KLHL8: variants seen among roughly 807,000 people sequenced by gnomAD.
The protein encoded by KLHL8 is kelch like family member 8, also known as kelch-like protein 8.
A neutral mutation model predicts 63.5 loss-of-function variants in KLHL8; 38 were observed. That is an observed-to-expected ratio of 0.60 (90% CI 0.46 to 0.78). The LOEUF (loss-of-function observed/expected upper bound fraction) is 0.78. Ranked by LOEUF, KLHL8 falls within the 30% of genes least tolerant of loss-of-function variation. The pLI is 0.00. For missense variants in KLHL8, 566 were observed against 752.4 expected, an observed-to-expected ratio of 0.75 and a Z score of 2.90; for synonymous variants, 224 against 254.3, an observed-to-expected ratio of 0.88 and a Z score of 1.13.
intron 8 of KLHL8, among the ~76,000 whole-genome samples, chr4:87,164,886 C>G (rs6848626): frequency 1.1e-4 from 16 of 152,026 alleles, no homozygotes; most frequent in South Asian, 1.0e-3. Flanking sequence ...CGGTGGCTCA[C>G]GCCTGTAATC....
intron 2 of KLHL8, among the ~76,000 whole-genome samples, chr4:87,186,609 G>A (rs1731268664): frequency 6.6e-6 from 1 of 151,666 alleles, no homozygotes; most frequent in Non-Finnish European, 1.5e-5. Context: ...CTCCCCAGCA[G>A]CTAGGACTAC....
In KLHL8 at chr4:87,176,773, A is replaced by C; in HGVS notation, c.1192T>G (p.Ser398Ala). ...PLTNKWMMKA[S>A]MNTKRRGIAL... The stretch of plus-strand genomic sequence containing the variant: ...CTGATCTACCTCTTTGTGTTCATTG[A>C]TGCCTTCATCATCCATTTATTAGTG... The change falls in exon 6 of 10, where the codon TCA (serine) becomes GCA (alanine). Residue 398 changes from serine (S) to alanine (A), a missense_variant. Physicochemically the swap from Ser to Ala is moderately conservative, Grantham distance 99. Coordinates refer to ENST00000273963, the MANE Select transcript of KLHL8 (RefSeq NM_020803.5). The C allele has an allele frequency of 6.4e-7, 1 of 1,570,764 alleles. No homozygotes were observed. The highest frequency in any genetic ancestry group is 8.7e-7 in the Non-Finnish European group (1 of 1,146,020).
At chr4:87,164,369 AAAAG>A (rs1184130542) in intron 8 of KLHL8, among the ~76,000 whole-genome samples, 1 of 152,082 alleles carries the variant, frequency 6.6e-6, no homozygotes, top group African/African-American at 2.4e-5. Context: ...AATTCAGAGA[AAAAG>A]AAAAAAAAAA....
chr4:87,204,376 A>G (rs1422761439), intron 1 of KLHL8, among the ~76,000 whole-genome samples: 1 of 151,418 alleles, frequency 6.6e-6, no homozygotes, highest in African/African-American at 2.4e-5. Context: ...AAACAGCATC[A>G]CTGTTCTAAA....
intron 8 of KLHL8, chr4:87,166,710 C>T (rs568638289): frequency 6.6e-6 from 1 of 152,402 alleles, no homozygotes; most frequent in East Asian, 1.9e-4. Flanking sequence ...TTCATATGCA[C>T]ATTATGGTCT....
intron 1 of KLHL8, chr4:87,207,919 C>CA: frequency 7.9e-7 from 1 of 1,268,608 alleles, no homozygotes; most frequent in Non-Finnish European, 1.1e-6. Context: ...CTACACTGAG[C>CA]ACCAGGCTGT....
chr4:87,240,315 A>G (rs983762057), upstream of KLHL8: 17 of 152,254 alleles, frequency 1.1e-4, no homozygotes, highest in African/African-American at 3.9e-4. Context: ...GACAGCATCT[A>G]AAGAGGAATT....
chr4:87,216,759 C>T (rs1732610299), intron 1 of KLHL8, among the ~76,000 whole-genome samples: 1 of 152,052 alleles, frequency 6.6e-6, no homozygotes, highest in African/African-American at 2.4e-5. Flanking sequence ...AAAAAAGCAG[C>T]TGACAGTATC....
At chr4:87,232,107 T>C (rs911177417) in intron 1 of KLHL8, among the ~76,000 whole-genome samples, 4 of 152,220 alleles carry the variant, frequency 2.6e-5, no homozygotes, top group East Asian at 3.8e-4. Context: ...ATAAAAAGGA[T>C]AATTAAATAG....
intron 1 of KLHL8, chr4:87,207,894 C>T: frequency 6.6e-7 from 1 of 1,504,348 alleles, no homozygotes; most frequent in Non-Finnish European, 9.2e-7. Flanking sequence ...AGGGCCCCCT[C>T]AAGGGCATCC....
chr4:87,201,933 C>A (rs1386611045), intron 1 of KLHL8, among the ~76,000 whole-genome samples: 6 of 151,016 alleles, frequency 4.0e-5, no homozygotes, highest in East Asian at 1.9e-4. Context: ...GTGCTTACAT[C>A]AAAAAAAAGT....
Position 87,195,626 on chromosome 4 carries a change from T to C in KLHL8, c.-87A>G, listed in dbSNP as rs1731666191. On this transcript the variant is annotated 5_prime_UTR_variant, in exon 2 of 10. Transcript: ENST00000273963. Reference sequence around the variant, plus strand: ...GGGTAGAGAGAAGGCAGAAGGTAGATGTAGACACTACAATTCAGACGTTTT... The same window carrying C: ...GGGTAGAGAGAAGGCAGAAGGTAGACGTAGACACTACAATTCAGACGTTTT... 3 of 1,048,674 alleles carry C rather than the reference T, an allele frequency of 2.9e-6. No individual in the cohort carries two copies. Among genetic ancestry groups the C allele is most frequent in the Admixed American group, 4.0e-5 (2 of 49,462 alleles). The allele number at this position is 1,048,674 out of a possible 1,614,324, so 65.0% of individuals were successfully genotyped here.
chr4:87,175,727 A>G (rs1035108277), intron 6 of KLHL8, among the ~76,000 whole-genome samples: 10 of 152,224 alleles, frequency 6.6e-5, no homozygotes, highest in African/African-American at 2.4e-4. Flanking sequence ...TAATCAGCAT[A>G]TATTCCAGTT....
intron 2 of KLHL8, 37 bp downstream of exon 2, chr4:87,195,287 A>G: frequency 6.5e-7 from 1 of 1,543,016 alleles, no homozygotes; most frequent in Non-Finnish European, 8.9e-7. Context: ...TATTACACTG[A>G]AGAGGCCTGA....
intron 2 of KLHL8, among the ~76,000 whole-genome samples, chr4:87,189,351 C>T (rs887456609): frequency 2.6e-5 from 4 of 152,162 alleles, no homozygotes; most frequent in Non-Finnish European, 4.4e-5. Context: ...CTTAACAGTA[C>T]TCAGGGAAAA....
chr4:87,165,787 G>T (rs1292432653), intron 8 of KLHL8, among the ~76,000 whole-genome samples: 1 of 152,070 alleles, frequency 6.6e-6, no homozygotes, highest in Non-Finnish European at 1.5e-5. Flanking sequence ...TTATAACAAA[G>T]AATTCAAACC....
At chr4:87,174,378 A>C (rs1249242950) in intron 6 of KLHL8, among the ~76,000 whole-genome samples, 1 of 151,870 alleles carries the variant, frequency 6.6e-6, no homozygotes, top group African/African-American at 2.4e-5. Context: ...TCCTGGGTTC[A>C]AGCGATTCTC....
intron 3 of KLHL8, among the ~76,000 whole-genome samples, chr4:87,183,740 C>G (rs996210636): frequency 6.6e-6 from 1 of 152,126 alleles, no homozygotes. Flanking sequence ...AATCACAAGG[C>G]CCTTCTATTG....
In KLHL8 at chr4:87,162,260, A is replaced by T. The variant is rs952482872; in HGVS notation, c.*1259T>A. ...TTTCATGTTCTTGATAAATATTTAT[A>T]AAAAAATATACATATAATGAATAGG... On this transcript the variant is annotated 3_prime_UTR_variant, in exon 10 of 10. Transcript: ENST00000273963. The T allele has an allele frequency of 3.3e-5, 5 of 152,038 alleles. No individual in the cohort carries two copies. The highest frequency in any genetic ancestry group is 5.9e-5 in the Non-Finnish European group (4 of 67,940). The allele number at this position is 152,038 out of a possible 1,614,324, so 9.4% of individuals were successfully genotyped here. A position where few individuals can be genotyped will look rare whatever the true frequency, so the allele number is the denominator to read the frequency against.
Sources: allele counts gnomAD v4.1 joint callset (sites outside exome capture counted in the v4.1 genomes callset), GRCh38; gene constraint gnomAD v4.1.1; transcripts MANE v1.5; gene names NCBI Gene and HGNC (gene_info 2026-07-23, HGNC 2026-07-21).